TENM3: variants seen among roughly 807,000 people sequenced by gnomAD.
The protein encoded by TENM3 is teneurin-3.
TENM3 carries 63 observed loss-of-function variants against 255.1 expected under a neutral mutation model. That is an observed-to-expected ratio of 0.25 (90% CI 0.20 to 0.30). The LOEUF (loss-of-function observed/expected upper bound fraction) is 0.30. TENM3 is among the 10% of genes least tolerant of loss of function. The pLI is 1.00. For synonymous variants in TENM3, 1,306 were observed against 1,322.3 expected, an observed-to-expected ratio of 0.99 and a Z score of 0.27; for missense variants, 2,929 against 3,461.1, an observed-to-expected ratio of 0.85 and a Z score of 3.86.
At chr4:181,551,172 G>A in the TENM3 span, among the ~76,000 whole-genome samples, 1 of 152,190 alleles carries the variant, frequency 6.6e-6, no homozygotes, top group Non-Finnish European at 1.5e-5. Context: ...AATTCTTAAA[G>A]TGAATGTGGA....
the TENM3 span, among the ~76,000 whole-genome samples, chr4:181,804,995 A>C: frequency 4.6e-5 from 7 of 152,050 alleles, no homozygotes; most frequent in Non-Finnish European, 2.9e-5. Flanking sequence ...TCCTCCATCC[A>C]GCCTCCTATG....
At chr4:182,177,211 A>G (rs949633315) in intron 1 of TENM3, among the ~76,000 whole-genome samples, 4 of 152,250 alleles carry the variant, frequency 2.6e-5, no homozygotes, top group African/African-American at 4.8e-5. Context: ...AGGTGTTACC[A>G]TCTGCATTGC....
chr4:182,100,648 C>CACAT, the TENM3 span, among the ~76,000 whole-genome samples: 3 of 84,014 alleles, frequency 3.6e-5, no homozygotes, highest in Non-Finnish European at 7.3e-5. Context: ...CATATATATA[C>CACAT]ACATATATAC....
chr4:181,765,898 T>C, the TENM3 span, among the ~76,000 whole-genome samples: 1 of 152,194 alleles, frequency 6.6e-6, no homozygotes. Flanking sequence ...TTACCATACA[T>C]ATCTGCATTA....
the TENM3 span, among the ~76,000 whole-genome samples, chr4:181,905,433 G>A: frequency 1.3e-5 from 2 of 152,042 alleles, no homozygotes; most frequent in African/African-American, 2.4e-5. Flanking sequence ...TGCTGCTGAG[G>A]TGATCCCATG....
At chr4:181,676,074 G>A in the TENM3 span, among the ~76,000 whole-genome samples, 1 of 145,696 alleles carries the variant, frequency 6.9e-6, no homozygotes. Context: ...TGGGGCTGCG[G>A]GAAGGGGGGG....
At chr4:181,714,115 C>A in the TENM3 span, among the ~76,000 whole-genome samples, 1 of 152,294 alleles carries the variant, frequency 6.6e-6, no homozygotes, top group African/African-American at 2.4e-5. Context: ...GAGAACATTT[C>A]TTTGCATGTG....
intron 12 of TENM3, among the ~76,000 whole-genome samples, chr4:182,703,877 T>G (rs541726992): frequency 1.8e-4 from 27 of 152,336 alleles, no homozygotes; most frequent in Middle Eastern, 3.4e-3. Flanking sequence ...CCCATTGATA[T>G]TGCCCAGATC....
the TENM3 span, among the ~76,000 whole-genome samples, chr4:181,650,481 C>T: frequency 6.6e-6 from 1 of 152,184 alleles, no homozygotes; most frequent in Non-Finnish European, 1.5e-5. Flanking sequence ...CACCCTCAAC[C>T]TTATCATTTG....
At chr4:182,295,191 T>C (rs111991609) in intron 1 of TENM3, among the ~76,000 whole-genome samples, 7,906 of 151,270 alleles carry the variant, frequency 0.052, 323 homozygotes, top group African/African-American at 0.11. Context: ...GTATTATTGA[T>C]GATATAAGAC....
Position 182,245,555 on chromosome 4 carries a change from GTC to G in TENM3, c.-76+2083_-76+2084del, listed in dbSNP as rs796819606. Among the ~76,000 whole-genome samples, 20 of 152,132 alleles carry G rather than the reference GTC, an allele frequency of 1.3e-4. No individual in the cohort carries two copies. The East Asian group carries it at 3.9e-3, about 29-fold the overall frequency. On this transcript the variant is annotated intron_variant, in intron 1 of 27. Transcript: ENST00000511685. ...AAGGCAGCGTCGTGGCCCAGTTTGG[GTC>G]TCTGTTTAGCAACTGTGGTCTGTTT...
At chr4:181,610,718 G>T in the TENM3 span, among the ~76,000 whole-genome samples, 1 of 151,936 alleles carries the variant, frequency 6.6e-6, no homozygotes, top group Non-Finnish European at 1.5e-5. Context: ...TGGTGTGTGT[G>T]TGTCTGTGTG....
chr4:181,699,205 A>G, the TENM3 span, among the ~76,000 whole-genome samples: 1 of 152,094 alleles, frequency 6.6e-6, no homozygotes, highest in African/African-American at 2.4e-5. Flanking sequence ...CTGAGACCAG[A>G]GGATTGCTTG....
the TENM3 span, among the ~76,000 whole-genome samples, chr4:181,915,098 G>A: frequency 3.9e-5 from 6 of 152,260 alleles, no homozygotes; most frequent in African/African-American, 1.2e-4. Context: ...CACACTAGGA[G>A]ATCAGGAGGA....
the TENM3 span, among the ~76,000 whole-genome samples, chr4:181,992,310 A>G: frequency 2.0e-5 from 3 of 152,210 alleles, no homozygotes; most frequent in African/African-American, 7.2e-5. Flanking sequence ...TTGAAAAAGC[A>G]ATAATGGATG....
intron 3 of TENM3, among the ~76,000 whole-genome samples, chr4:182,536,278 A>G (rs10084854): frequency 0.055 from 8,405 of 152,334 alleles, 326 homozygotes; most frequent in East Asian, 0.11. Flanking sequence ...TTTGTAAGCC[A>G]TTCTTATAAA....
At chr4:181,665,029 G>A in the TENM3 span, among the ~76,000 whole-genome samples, 2 of 152,190 alleles carry the variant, frequency 1.3e-5, 1 homozygote, top group African/African-American at 4.8e-5. Context: ...TTATTAGGGG[G>A]GTGCCACTCT....
the TENM3 span, chr4:181,906,062 C>A: frequency 2.9e-6 from 1 of 350,790 alleles, no homozygotes; most frequent in South Asian, 3.0e-5. Flanking sequence ...TCAGACTGTC[C>A]AATAAATAAC....
At chr4:181,979,615 C>G in the TENM3 span, among the ~76,000 whole-genome samples, 5 of 152,070 alleles carry the variant, frequency 3.3e-5, no homozygotes, top group African/African-American at 1.2e-4. Flanking sequence ...CAGGAGGGAC[C>G]AGAGTTGCTT....
Sources: gnomAD v4.1 joint callset for allele counts (sites outside exome capture counted in the v4.1 genomes callset) on GRCh38, gnomAD v4.1.1 for gene constraint, MANE v1.5 for transcripts, NCBI Gene and HGNC (gene_info 2026-07-23, HGNC 2026-07-21) for gene names.